The following KIF20B variants were observed in gnomAD, a reference collection of about 807,000 sequenced individuals.
KIF20B encodes the protein kinesin family member 20B.
KIF20B carries 188 observed loss-of-function variants against 232.5 expected under a neutral mutation model. The observed-to-expected ratio is 0.81, with a 90% CI of 0.72 to 0.91. The LOEUF is 0.91. KIF20B is among the 40% of genes least tolerant of loss of function. The pLI, the probability that KIF20B is intolerant of heterozygous loss-of-function variation, is 0.00. For synonymous variants in KIF20B, 712 were observed against 683.0 expected (o/e 1.04, Z -0.66); for missense variants, 2,154 against 2,055.9 (o/e 1.05, Z -0.92).
chr10:89,714,543 A>G (rs1056417688), intron 7 of KIF20B, among the ~76,000 whole-genome samples: 8 of 152,082 alleles, frequency 5.3e-5, no homozygotes, highest in Non-Finnish European at 8.8e-5. Flanking sequence ...GTTACTAAGG[A>G]TTTAATTTCT....
intron 2 of KIF20B, 52 bp downstream of exon 2, chr10:89,705,493 G>GTA: frequency 2.6e-6 from 4 of 1,546,604 alleles, no homozygotes; most frequent in Non-Finnish European, 2.6e-6. Flanking sequence ...TCTAATGCAA[G>GTA]GGTTGGCAAA....
intron 24 of KIF20B, among the ~76,000 whole-genome samples, chr10:89,752,355 T>C (rs1202613472): frequency 6.6e-6 from 1 of 152,084 alleles, no homozygotes; most frequent in Non-Finnish European, 1.5e-5. Context: ...ATACTATTCA[T>C]TGGATTCCTG....
chr10:89,713,358 C>CAAA (rs34139175), intron 6 of KIF20B, among the ~76,000 whole-genome samples: 59 of 88,614 alleles, frequency 6.7e-4, no homozygotes, highest in African/African-American at 2.5e-3. Context: ...AAGACTCTCT[C>CAAA]AAAAAAAAAA....
At position 89,738,386 on chromosome 10, in the gene KIF20B, A is replaced by G. The variant is rs1841714916; in HGVS notation, c.3545A>G (p.Lys1182Arg). Residue 1182 changes from lysine (K) to arginine (R), a missense_variant, in exon 20 of 33, where the codon AAG becomes AGG. By Grantham distance (26) the Lys-to-Arg change is conservative. Transcript: ENST00000371728. ...AAAGTTGAATGTAGTCATTCAGCCA[A>G]GTTAGAACAAGACATTTTGGAAAAG... The part of the protein sequence containing the change: ...TQKVECSHSA[K>R]LEQDILEKES... 1.9e-6 allele frequency: 3 copies of G among 1,604,048 alleles called. No individual in the cohort carries two copies. In the South Asian group the frequency reaches 3.4e-5, roughly 18 times the overall value.
At chr10:89,767,246 T>C (rs1218795122) in intron 29 of KIF20B, among the ~76,000 whole-genome samples, 1 of 151,538 alleles carries the variant, frequency 6.6e-6, no homozygotes, top group African/African-American at 2.4e-5. Flanking sequence ...TTTTGTTACA[T>C]AGGTATACAC....
intron 31 of KIF20B, 121 bp downstream of exon 31, chr10:89,769,009 C>T (rs1842417675): frequency 1.3e-6 from 1 of 763,818 alleles, no homozygotes. Flanking sequence ...AGGCATTGTC[C>T]TATACTAGGT....
Position 89,774,584 on chromosome 10 carries a change from G to T in KIF20B, c.*536G>T, listed in dbSNP as rs1306669394. On this transcript the variant is annotated 3_prime_UTR_variant, in exon 33 of 33. Transcript: ENST00000371728. Reference sequence around the variant, plus strand: ...CATAGTACATGTATATATTTACGGGGTATGTGAGATGTTTTGACACAGGCA... The same window carrying T: ...CATAGTACATGTATATATTTACGGGTTATGTGAGATGTTTTGACACAGGCA... The T allele has an allele frequency of 6.6e-6, 1 of 151,886 alleles. No individual in the cohort carries two copies. The highest frequency in any genetic ancestry group is 2.4e-5 in the African/African-American group (1 of 41,370). 9.4% of individuals were successfully genotyped at this position (151,886 alleles called of 1,614,324 possible). A position where few individuals can be genotyped will look rare whatever the true frequency, so the allele number is the denominator to read the frequency against.
intron 6 of KIF20B, among the ~76,000 whole-genome samples, chr10:89,712,494 A>T (rs1181269911): frequency 1.3e-5 from 2 of 151,904 alleles, no homozygotes; most frequent in Non-Finnish European, 2.9e-5. Flanking sequence ...GCCTCAAGAG[A>T]TCCTCTTCCC....
At position 89,762,734 on chromosome 10, in the gene KIF20B, T is replaced by G; in HGVS notation, c.4888T>G (p.Leu1630Val). 6.2e-7 allele frequency: 1 copy of G among 1,613,574 alleles called. No individual in the cohort carries two copies. Among genetic ancestry groups the G allele is most frequent in the South Asian group, 1.1e-5 (1 of 91,076 alleles). ...TGAGTTAGAGATTCAATTTACACCT[T>G]TACAGCCAAACAAAATGGCAGTGAA... ...KPELEIQFTP[L>V]QPNKMAVKHP... Residue 1630 changes from leucine (L) to valine (V), a missense_variant, in exon 29 of 33, where the codon TTA becomes GTA. Coordinates refer to ENST00000371728, the MANE Select transcript of KIF20B (RefSeq NM_001284259.2).
At chr10:89,711,480 G>A (rs1191037628) in intron 6 of KIF20B, among the ~76,000 whole-genome samples, 1 of 152,068 alleles carries the variant, frequency 6.6e-6, no homozygotes, top group African/African-American at 2.4e-5. Context: ...AATAGGGAAT[G>A]TGAGAAGTAA....
intron 13 of KIF20B, 89 bp downstream of exon 13, chr10:89,719,795 C>A: frequency 2.8e-6 from 3 of 1,066,570 alleles, no homozygotes; most frequent in African/African-American, 1.6e-5. Flanking sequence ...CAGTTTTTTT[C>A]AACAGTACAC....
chr10:89,745,780 T>C, intron 22 of KIF20B, 119 bp from the exon 23 acceptor site: 1 of 658,762 alleles, frequency 1.5e-6, no homozygotes, highest in Non-Finnish European at 2.7e-6. Context: ...CCAGCTGGTA[T>C]ACCAGCTATA....
At chr10:89,726,190 A>G in intron 15 of KIF20B, 103 bp from the exon 16 acceptor site, 1 of 1,317,880 alleles carries the variant, frequency 7.6e-7, no homozygotes, top group Non-Finnish European at 9.8e-7. Context: ...ATTTCAAGTG[A>G]TGAATTTTTT....
intron 28 of KIF20B, among the ~76,000 whole-genome samples, chr10:89,761,082 T>A (rs1482399990): frequency 2.6e-5 from 4 of 152,136 alleles, no homozygotes; most frequent in Non-Finnish European, 5.9e-5. Context: ...ATATAGAGAT[T>A]CTTAGGTTGG....
rs1053243826 is a variant in KIF20B at position 89,724,224 on chromosome 10, A to G, written c.1862+121A>G. The G allele has an allele frequency of 4.1e-5, 41 of 1,005,122 alleles. No individual in the cohort carries two copies. The Admixed American group carries it at 1.1e-3, about 26-fold the overall frequency. 62.3% of individuals were successfully genotyped at this position (1,005,122 alleles called of 1,614,324 possible). ...TTCTGAATTCTGATCTCTTTATACAAGCTTGAAAATAGCTGTTACTGGTCT... is the reference window on the plus strand; with the variant it reads ...TTCTGAATTCTGATCTCTTTATACAGGCTTGAAAATAGCTGTTACTGGTCT... On this transcript the variant is annotated intron_variant, in intron 14 of 32. Coordinates refer to ENST00000371728, the MANE Select transcript of KIF20B (RefSeq NM_001284259.2).
intron 21 of KIF20B, among the ~76,000 whole-genome samples, chr10:89,739,793 A>T (rs1171526491): frequency 6.6e-6 from 1 of 151,976 alleles, no homozygotes; most frequent in Non-Finnish European, 1.5e-5. Context: ...GTTTATCTAA[A>T]CTTTAAAAAA....
At chr10:89,735,720 A>T (rs1841637309) in intron 19 of KIF20B, among the ~76,000 whole-genome samples, 1 of 151,572 alleles carries the variant, frequency 6.6e-6, no homozygotes, top group Non-Finnish European at 1.5e-5. Flanking sequence ...TTGTGTTTTT[A>T]GTAGAGACAG....
chr10:89,718,553 G>A (rs779537609), intron 11 of KIF20B, among the ~76,000 whole-genome samples, 157 bp from the exon 12 acceptor site: 4 of 151,984 alleles, frequency 2.6e-5, no homozygotes, highest in Admixed American at 6.6e-5. Flanking sequence ...AAGATAAAAA[G>A]AAAACTGAGA....
Position 89,752,602 on chromosome 10 carries a change from G to T in KIF20B, c.4258G>T (p.Glu1420Ter). ...ATGGAAGGAAAAATGCAATGATTTG[G>T]AAACCAAAAACAATCAAAGGTCAAA... ...EKWKEKCNDL[E>*]TKNNQRSNKE... The change falls in exon 25 of 33, where the codon GAA becomes TAA. Residue 1420 changes from glutamate (E) to a stop codon, truncating the protein, a stop_gained. Coordinates refer to ENST00000371728, the MANE Select transcript of KIF20B (RefSeq NM_001284259.2). LOFTEE classifies it high-confidence loss of function. The T allele has an allele frequency of 6.2e-7, 1 of 1,604,002 alleles. No homozygotes were observed. The highest frequency in any genetic ancestry group is 8.5e-7 in the Non-Finnish European group (1 of 1,175,278).
Sources: allele counts gnomAD v4.1 joint callset (sites outside exome capture counted in the v4.1 genomes callset), GRCh38; gene constraint gnomAD v4.1.1; transcripts MANE v1.5; gene names NCBI Gene and HGNC (gene_info 2026-07-23, HGNC 2026-07-21).